The following TTC7A variants were observed in gnomAD, a reference collection of about 807,000 sequenced individuals.
TTC7A encodes the protein tetratricopeptide repeat domain 7A.
In TTC7A, 110 loss-of-function variants were observed where a neutral mutation model predicts 103.7. The observed-to-expected ratio is 1.06, with a 90% CI of 0.91 to 1.24. The LOEUF (loss-of-function observed/expected upper bound fraction) is 1.24, where lower values mean the gene tolerates loss of function less well. Among genes scored for constraint, TTC7A ranks in the 50% most tolerant of loss-of-function variants. The probability of loss-of-function intolerance (pLI) is 0.00; values close to 1 mark genes in which losing one functional copy is unlikely to be tolerated. For synonymous variants in TTC7A, 521 were observed against 467.9 expected (o/e 1.11, Z -1.47); for missense variants, 1,340 against 1,116.3 (o/e 1.20, Z -2.86).
intron 5 of TTC7A, among the ~76,000 whole-genome samples, chr2:46,979,459 C>T (rs1674220617): frequency 6.6e-6 from 1 of 152,074 alleles, no homozygotes; most frequent in Non-Finnish European, 1.5e-5. Flanking sequence ...AGCAGAAGTG[C>T]TTGTTTTCCT....
At chr2:46,989,257 C>A (rs1675354224) in intron 5 of TTC7A, among the ~76,000 whole-genome samples, 1 of 152,232 alleles carries the variant, frequency 6.6e-6, no homozygotes, top group Non-Finnish European at 1.5e-5. Flanking sequence ...CTGGCTTCTC[C>A]CCACGCAGGC....
At chr2:47,057,113 C>T (rs546031499) in intron 18 of TTC7A, among the ~76,000 whole-genome samples, 11 of 152,334 alleles carry the variant, frequency 7.2e-5, no homozygotes, top group East Asian at 5.8e-4. Flanking sequence ...GCTAGCAAAG[C>T]GTCGAGCAGG....
chr2:46,959,936 T>C (rs935322499), intron 3 of TTC7A, among the ~76,000 whole-genome samples: 2 of 152,154 alleles, frequency 1.3e-5, no homozygotes, highest in African/African-American at 4.8e-5. Flanking sequence ...CCATGTCACA[T>C]TTGCTTAGAA....
intron 11 of TTC7A, among the ~76,000 whole-genome samples, chr2:47,016,104 T>A (rs1012117788): frequency 6.6e-6 from 1 of 152,234 alleles, no homozygotes; most frequent in African/African-American, 2.4e-5. Flanking sequence ...AAGGCAGTCC[T>A]GGGCATTAGC....
At chr2:46,976,508 C>T (rs1452568206) in intron 4 of TTC7A, among the ~76,000 whole-genome samples, 2 of 152,216 alleles carry the variant, frequency 1.3e-5, no homozygotes, top group African/African-American at 4.8e-5. Flanking sequence ...GAGACACTTG[C>T]ACCTCGCCTT....
At chr2:47,057,480 G>C (rs938711160) in intron 18 of TTC7A, among the ~76,000 whole-genome samples, 1 of 152,188 alleles carries the variant, frequency 6.6e-6, no homozygotes. Flanking sequence ...AAAATCTGTT[G>C]ATGTGAATAC....
intron 8 of TTC7A, among the ~76,000 whole-genome samples, chr2:47,000,456 C>T (rs547875131): frequency 7.2e-5 from 11 of 152,320 alleles, no homozygotes; most frequent in African/African-American, 1.9e-4. Context: ...CTCTCTCTAA[C>T]CGGCAGAAAG....
chr2:46,969,696 C>T (rs1673185256), intron 3 of TTC7A, among the ~76,000 whole-genome samples: 2 of 152,134 alleles, frequency 1.3e-5, no homozygotes, highest in Non-Finnish European at 2.9e-5. Flanking sequence ...CAGGCATGAG[C>T]CAGCGTGCCT....
chr2:47,012,153 G>A (rs1199386264), intron 11 of TTC7A, among the ~76,000 whole-genome samples: 1 of 152,198 alleles, frequency 6.6e-6, no homozygotes, highest in Non-Finnish European at 1.5e-5. Context: ...CTCGGATGCT[G>A]CTCCAGGCCT....
Position 47,038,258 on chromosome 2 carries a change from C to CA in TTC7A, c.1803-8041dup, listed in dbSNP as rs60342421. Reference sequence around the variant, plus strand: ...TGGGCGTCAGAGCGAGACTCCATCTCAAAAAAAAAAAAAAAAGAAAGAAAA... The same window carrying CA: ...TGGGCGTCAGAGCGAGACTCCATCTCAAAAAAAAAAAAAAAAAGAAAGAAAA... On this transcript the variant is annotated intron_variant, in intron 15 of 19. Coordinates refer to ENST00000319190, the MANE Select transcript of TTC7A (RefSeq NM_020458.4). Among the ~76,000 whole-genome samples the CA allele has an allele frequency of 5.4e-3, 693 of 128,290 alleles. 5 individuals are homozygous for CA. The highest frequency in any genetic ancestry group is 8.5e-3 in the Middle Eastern group (2 of 236). 84.2% of individuals were successfully genotyped at this position (128,290 alleles called of 152,430 possible).
At chr2:47,018,234 A>C (rs1489533733) in intron 11 of TTC7A, among the ~76,000 whole-genome samples, 1 of 148,774 alleles carries the variant, frequency 6.7e-6, no homozygotes, top group Non-Finnish European at 1.5e-5. Flanking sequence ...CCAAGATCGC[A>C]CCACTGTACT....
At chr2:46,994,909 C>T (rs1263946579) in intron 7 of TTC7A, among the ~76,000 whole-genome samples, 1 of 152,168 alleles carries the variant, frequency 6.6e-6, no homozygotes, top group African/African-American at 2.4e-5. Context: ...AGGAATGTTT[C>T]CTCCCTGGGA....
At chr2:46,986,773 C>T (rs1053558956) in intron 5 of TTC7A, among the ~76,000 whole-genome samples, 4 of 152,116 alleles carry the variant, frequency 2.6e-5, no homozygotes, top group Non-Finnish European at 5.9e-5. Flanking sequence ...AGGCAGTGCC[C>T]GCCCCCAGAG....
intron 5 of TTC7A, 95 bp downstream of exon 5, chr2:46,979,002 GT>G (rs1674158926): frequency 1.3e-6 from 1 of 767,456 alleles, no homozygotes; most frequent in Non-Finnish European, 2.2e-6. Flanking sequence ...TCTCTGGCCT[GT>G]GCATACGTGC....
At chr2:46,971,780 T>G (rs2104194214) in intron 3 of TTC7A, among the ~76,000 whole-genome samples, 1 of 152,332 alleles carries the variant, frequency 6.6e-6, no homozygotes, top group East Asian at 1.9e-4. Flanking sequence ...AAGTTCATCT[T>G]GAGCCTCTAC....
chr2:47,001,011 A>T (rs1676750004), intron 8 of TTC7A, among the ~76,000 whole-genome samples: 2 of 152,080 alleles, frequency 1.3e-5, no homozygotes, highest in African/African-American at 4.8e-5. Flanking sequence ...GTGAAGTCAG[A>T]ATGTCTGGGC....
At position 47,073,880 on chromosome 2, in the gene TTC7A, G is replaced by GCAGC; in HGVS notation, c.2536_2539dup (p.Pro847GlnfsTer84). On this transcript the variant is annotated frameshift_variant, in exon 20 of 20. Coordinates refer to ENST00000319190, the MANE Select transcript of TTC7A (RefSeq NM_020458.4). LOFTEE classifies it high-confidence loss of function. ...CTCACCGCCCTTGAGCTGGAGGCCA[G>GCAGC]CAGCCCTGTACTGCCCTTCTCCATC... 6.2e-7 allele frequency: 1 copy of GCAGC among 1,613,438 alleles called. No individual in the cohort carries two copies. The highest frequency in any genetic ancestry group is 8.5e-7 in the Non-Finnish European group (1 of 1,180,006).
chr2:47,012,471 C>G (rs777245075), intron 11 of TTC7A, among the ~76,000 whole-genome samples: 10 of 152,240 alleles, frequency 6.6e-5, no homozygotes, highest in Non-Finnish European at 1.3e-4. Flanking sequence ...GTTGGCCTGA[C>G]ACCTTCGGCC....
chr2:46,941,156 C>T (rs1670310003), upstream of TTC7A: 1 of 147,746 alleles, frequency 6.8e-6, no homozygotes. The surrounding 1 kb of genome is among the most constrained non-coding windows in gnomAD (Gnocchi z 4.2). Context: ...CCCCACGCCC[C>T]CGCGGGGGTG....
Sources: allele counts gnomAD v4.1 joint callset (sites outside exome capture counted in the v4.1 genomes callset), GRCh38; gene constraint gnomAD v4.1.1; non-coding constraint Gnocchi (gnomAD v3.1); transcripts MANE v1.5; gene names NCBI Gene and HGNC (gene_info 2026-07-23, HGNC 2026-07-21).